Variants in CHST11 observed in about 807,000 individuals in gnomAD.
CHST11 encodes carbohydrate sulfotransferase 11, also known as C4S-1.
Under a neutral mutation model 30.4 loss-of-function variants are expected in CHST11, and 9 were observed. The observed-to-expected ratio is 0.30, with a 90% CI of 0.18 to 0.52. The LOEUF (loss-of-function observed/expected upper bound fraction) is 0.52, where lower values mean the gene tolerates loss of function less well. Among genes scored for constraint, CHST11 ranks in the 20% least tolerant of loss-of-function variants. The pLI, the probability that CHST11 is intolerant of heterozygous loss-of-function variation, is 0.97. For synonymous variants in CHST11, 152 were observed against 187.8 expected (o/e 0.81, Z 1.56); for missense variants, 348 against 460.6 (o/e 0.76, Z 2.24).
At chr12:104,725,064 G>A (rs1193975193) in intron 2 of CHST11, among the ~76,000 whole-genome samples, 1 of 152,082 alleles carries the variant, frequency 6.6e-6, no homozygotes, top group Non-Finnish European at 1.5e-5. Flanking sequence ...TTCTGGTATG[G>A]ACTCTTCTAA....
chr12:104,569,556 C>T (rs1341249906), intron 1 of CHST11, among the ~76,000 whole-genome samples: 1 of 152,298 alleles, frequency 6.6e-6, no homozygotes, highest in Admixed American at 6.5e-5. Context: ...TGCATCATAG[C>T]TCTTAGGTAC....
chr12:104,687,731 T>C (rs1013254478), intron 2 of CHST11, among the ~76,000 whole-genome samples: 3 of 152,194 alleles, frequency 2.0e-5, no homozygotes, highest in African/African-American at 7.2e-5. Context: ...TTTAAAGAAA[T>C]GGCCTTTCCT....
intron 1 of CHST11, among the ~76,000 whole-genome samples, chr12:104,584,195 T>C (rs1329691700): frequency 1.3e-5 from 2 of 152,148 alleles, no homozygotes. Flanking sequence ...GGAAGAATAC[T>C]ATACAATGTG....
At chr12:104,462,952 A>G (rs977335559) in intron 1 of CHST11, among the ~76,000 whole-genome samples, 2 of 152,168 alleles carry the variant, frequency 1.3e-5, no homozygotes, top group African/African-American at 4.8e-5. Context: ...CAAAATAAAA[A>G]GGGGTGATCA....
chr12:104,581,019 G>A (rs1016068106), intron 1 of CHST11, among the ~76,000 whole-genome samples: 3 of 152,208 alleles, frequency 2.0e-5, no homozygotes, highest in African/African-American at 7.2e-5. Flanking sequence ...AAAAATCTGA[G>A]TGCCTTTTCT....
chr12:104,582,917 A>G (rs977532492), intron 1 of CHST11, among the ~76,000 whole-genome samples: 1 of 151,822 alleles, frequency 6.6e-6, no homozygotes, highest in Non-Finnish European at 1.5e-5. Flanking sequence ...AACTGTTTCT[A>G]ACACATCTGG....
chr12:104,476,197 C>T (rs976039646), intron 1 of CHST11, among the ~76,000 whole-genome samples: 11 of 138,360 alleles, frequency 8.0e-5, no homozygotes, highest in African/African-American at 2.9e-4. Context: ...ATAATAAACA[C>T]ATGCAAAAAC....
At position 104,757,486 on chromosome 12, in the gene CHST11, C is replaced by T; in HGVS notation, c.742C>T (p.His248Tyr). 1 of 1,614,116 alleles carries T rather than the reference C, an allele frequency of 6.2e-7. No individual in the cohort carries two copies. Among genetic ancestry groups the T allele is most frequent in the Non-Finnish European group, 8.5e-7 (1 of 1,180,034 alleles). Residue 248 changes from histidine (H) to tyrosine (Y), a missense_variant, in exon 3 of 3, where the codon CAC (histidine) becomes TAC (tyrosine). Physicochemically the swap from His to Tyr is moderately conservative, Grantham distance 83 (BLOSUM62 2). This residue lies in a region of CHST11 where 210 missense variants were observed against 287.2 expected (regional missense o/e 0.73). Coordinates refer to ENST00000303694, the MANE Select transcript of CHST11 (RefSeq NM_018413.6). This position sits in a 1 kb window ranked among gnomAD's most constrained non-coding sequence, Gnocchi z 6.5. Reference sequence around the variant, plus strand: ...GTTTGTGGCCTATCTCATCGACCCACACACCCAGCGGGAGGAGCCTTTCAA... The same window carrying T: ...GTTTGTGGCCTATCTCATCGACCCATACACCCAGCGGGAGGAGCCTTTCAA... ...EEFVAYLIDP[H>Y]TQREEPFNEH...
chr12:104,757,865 A>G lies in CHST11; in HGVS notation c.*62A>G. 6.9e-7 allele frequency: 1 copy of G among 1,443,174 alleles called. No individual in the cohort carries two copies. The allele number at this position is 1,443,174 out of a possible 1,614,324, so 89.4% of individuals were successfully genotyped here. On this transcript the variant is annotated 3_prime_UTR_variant, in exon 3 of 3. Transcript: ENST00000303694. This position sits in a 1 kb window ranked among gnomAD's most constrained non-coding sequence, Gnocchi z 6.5. ...TTTAAGATTTTTATTTGTCAAAAGA[A>G]TTATATGGATATTGGGTTATTTTGT...
chr12:104,744,614 C>G (rs1423068720), intron 2 of CHST11, among the ~76,000 whole-genome samples: 1 of 152,164 alleles, frequency 6.6e-6, no homozygotes, highest in East Asian at 1.9e-4. Flanking sequence ...TACATTAGAT[C>G]CCACTTGTCA....
At chr12:104,741,909 C>T (rs2088020) in intron 2 of CHST11, among the ~76,000 whole-genome samples, 3 of 152,138 alleles carry the variant, frequency 2.0e-5, no homozygotes, top group East Asian at 1.9e-4. Flanking sequence ...TCTGGGAACC[C>T]GCATTGCATC....
intron 1 of CHST11, among the ~76,000 whole-genome samples, chr12:104,481,554 CT>C (rs1161239937): frequency 6.6e-6 from 1 of 152,164 alleles, no homozygotes; most frequent in African/African-American, 2.4e-5. Context: ...CAGCTGGTGG[CT>C]TCCTTCTGTA....
At chr12:104,518,738 A>G (rs186057855) in intron 1 of CHST11, among the ~76,000 whole-genome samples, 7 of 152,336 alleles carry the variant, frequency 4.6e-5, no homozygotes, top group African/African-American at 1.4e-4. Context: ...AATAGTCAAC[A>G]TGCAGTCTTC....
At chr12:104,518,946 A>G (rs1261759782) in intron 1 of CHST11, among the ~76,000 whole-genome samples, 1 of 150,254 alleles carries the variant, frequency 6.7e-6, no homozygotes, top group Non-Finnish European at 1.5e-5. Context: ...TTTTTTTCTT[A>G]AAATCTTTTC....
chr12:104,604,360 A>T (rs1205837547), intron 2 of CHST11, among the ~76,000 whole-genome samples: 2 of 152,182 alleles, frequency 1.3e-5, no homozygotes, highest in Non-Finnish European at 2.9e-5. Context: ...CCCATTAGCC[A>T]GCAACCAGGG....
chr12:104,661,297 C>T (rs1049059454), intron 2 of CHST11, among the ~76,000 whole-genome samples: 14 of 152,094 alleles, frequency 9.2e-5, no homozygotes, highest in Admixed American at 7.9e-4. Flanking sequence ...AAGGGCGAGG[C>T]GGGTAGATCG....
intron 2 of CHST11, among the ~76,000 whole-genome samples, chr12:104,625,840 C>A (rs992450141): frequency 2.6e-5 from 4 of 152,182 alleles, no homozygotes; most frequent in Non-Finnish European, 4.4e-5. Context: ...AGTAAAAGCT[C>A]ATTAATTTGA....
intron 2 of CHST11, among the ~76,000 whole-genome samples, chr12:104,719,897 A>G (rs2040160177): frequency 1.3e-5 from 2 of 152,164 alleles, no homozygotes; most frequent in Admixed American, 1.3e-4. Flanking sequence ...AATCCAGGCC[A>G]TGGCTTTCCT....
intron 2 of CHST11, among the ~76,000 whole-genome samples, chr12:104,640,941 A>G (rs2039370932): frequency 6.6e-6 from 1 of 151,884 alleles, no homozygotes; most frequent in Non-Finnish European, 1.5e-5. Flanking sequence ...GCCTGCCCCG[A>G]CCCCCATCCT....
Sources: gnomAD v4.1 joint callset for allele counts (sites outside exome capture counted in the v4.1 genomes callset) on GRCh38, gnomAD v4.1.1 for gene constraint, gnomAD v4.1.1 regional missense constraint, Gnocchi (gnomAD v3.1) non-coding constraint, MANE v1.5 for transcripts, NCBI Gene and HGNC (gene_info 2026-07-23, HGNC 2026-07-21) for gene names.